The following CLSTN2 variants were observed in gnomAD, a reference collection of about 807,000 sequenced individuals.
The protein encoded by CLSTN2 is calsyntenin-2.
A neutral mutation model predicts 101.2 loss-of-function variants in CLSTN2; 48 were observed. The ratio of observed to expected loss-of-function variants is 0.47; its 90% CI spans 0.38 to 0.60. CLSTN2 has a LOEUF of 0.60. Ranked by LOEUF, CLSTN2 falls within the 20% of genes least tolerant of loss-of-function variation. The pLI, the probability that CLSTN2 is intolerant of heterozygous loss-of-function variation, is 0.00. For synonymous variants in CLSTN2, 481 were observed against 463.6 expected (o/e 1.04, Z -0.48); for missense variants, 1,160 against 1,238.2 (o/e 0.94, Z 0.95).
rs145666342 is a variant in CLSTN2 at position 140,403,716 on chromosome 3, G to A, written c.320G>A (p.Arg107His). ...AAGACATCAGGAGAGGGCCGGCTCCGTGCCAAGAGCCCCATTGACTGTGAG... is the reference window on the plus strand; with the variant it reads ...AAGACATCAGGAGAGGGCCGGCTCCATGCCAAGAGCCCCATTGACTGTGAG... ...LNKTSGEGRL[R>H]AKSPIDCELQ... Residue 107 changes from arginine to histidine, a missense_variant, in exon 3 of 17, where the codon CGT (arginine) becomes CAT (histidine). Coordinates refer to ENST00000458420, the MANE Select transcript of CLSTN2 (RefSeq NM_022131.3). 188 of 1,614,134 alleles carry A rather than the reference G, an allele frequency of 1.2e-4. 1 individual carries two copies. In the East Asian group the frequency reaches 2.5e-3, roughly 21 times the overall value.
intron 9 of CLSTN2, among the ~76,000 whole-genome samples, chr3:140,533,107 C>CCT (rs1935292661): frequency 6.6e-6 from 1 of 152,184 alleles, no homozygotes; most frequent in Non-Finnish European, 1.5e-5. Flanking sequence ...TGTGCTGTTG[C>CCT]CTCTCTCCTA....
chr3:140,206,519 G>A (rs1419844744), intron 2 of CLSTN2, among the ~76,000 whole-genome samples: 4 of 152,112 alleles, frequency 2.6e-5, no homozygotes, highest in Admixed American at 2.0e-4. Flanking sequence ...AATACCCATC[G>A]GCTCTTATCA....
At chr3:140,007,390 A>G (rs2107749896) in intron 1 of CLSTN2, among the ~76,000 whole-genome samples, 1 of 152,310 alleles carries the variant, frequency 6.6e-6, no homozygotes, top group African/African-American at 2.4e-5. Context: ...TGGTTAGCAC[A>G]GGCATGAGGG....
chr3:140,391,214 A>G (rs1258250144), intron 2 of CLSTN2, among the ~76,000 whole-genome samples: 2 of 152,180 alleles, frequency 1.3e-5, no homozygotes, highest in Non-Finnish European at 2.9e-5. Flanking sequence ...TCAAAGTTTT[A>G]GCCTCCACGC....
chr3:140,014,993 C>T (rs903897501), intron 1 of CLSTN2, among the ~76,000 whole-genome samples: 5 of 152,182 alleles, frequency 3.3e-5, no homozygotes, highest in Admixed American at 2.0e-4. Context: ...AGCAGAGACA[C>T]GGGGCTCCTG....
intron 5 of CLSTN2, among the ~76,000 whole-genome samples, chr3:140,430,812 G>T (rs761222850): frequency 1.3e-4 from 20 of 152,170 alleles, no homozygotes; most frequent in Admixed American, 4.6e-4. Flanking sequence ...AGCAATTCTA[G>T]CCCATTTAAT....
intron 2 of CLSTN2, among the ~76,000 whole-genome samples, chr3:140,342,287 C>A (rs1370900168): frequency 5.9e-5 from 9 of 152,162 alleles, no homozygotes; most frequent in Non-Finnish European, 1.2e-4. Context: ...ACAATAGCAC[C>A]ACTCCCTTAA....
Position 140,576,650 on chromosome 3 carries a change from G to C in CLSTN2, c.*10397G>C, listed in dbSNP as rs140922660. ...TGGTGTTGACACAGCAGAGAGAGGA[G>C]GGGGAGCAGCCTCGTCTTGCAGAAT... On this transcript the variant is annotated 3_prime_UTR_variant, in exon 17 of 17. Transcript: ENST00000458420. 4.6e-5 allele frequency: 7 copies of C among 152,296 alleles called. No homozygotes were observed. Among genetic ancestry groups the C allele is most frequent in the Non-Finnish European group, 8.8e-5 (6 of 68,050 alleles). 9.4% of individuals were successfully genotyped at this position (152,296 alleles called of 1,614,324 possible). A position where few individuals can be genotyped will look rare whatever the true frequency, so the allele number is the denominator to read the frequency against.
At chr3:140,303,066 A>G (rs188951599) in intron 2 of CLSTN2, among the ~76,000 whole-genome samples, 11 of 152,322 alleles carry the variant, frequency 7.2e-5, no homozygotes, top group Middle Eastern at 3.4e-3. Flanking sequence ...GGGGATGCAT[A>G]TGAATAAAGG....
In CLSTN2 at chr3:140,571,284, G is replaced by A. The variant is rs1270771040; in HGVS notation, c.*5031G>A. The A allele has an allele frequency of 1.3e-5, 2 of 152,136 alleles. No homozygotes were observed. Among genetic ancestry groups the A allele is most frequent in the Non-Finnish European group, 2.9e-5 (2 of 68,024 alleles). The allele number at this position is 152,136 out of a possible 1,614,324, so 9.4% of individuals were successfully genotyped here. ...TAGCAACATCATCAGTAGAAAGCCC[G>A]ACCAAGCACACTTCGAAATTAGCAA... On this transcript the variant is annotated 3_prime_UTR_variant, in exon 17 of 17. Transcript: ENST00000458420.
At chr3:139,951,483 A>C (rs546714391) in intron 1 of CLSTN2, among the ~76,000 whole-genome samples, 3 of 152,288 alleles carry the variant, frequency 2.0e-5, no homozygotes, top group African/African-American at 7.2e-5. Flanking sequence ...TAGACCAAGC[A>C]AAAGGAGAAT....
chr3:140,569,592 G>A lies in CLSTN2; in HGVS notation c.*3339G>A, dbSNP rs1009944745. On this transcript the variant is annotated 3_prime_UTR_variant, in exon 17 of 17. Transcript: ENST00000458420. Reference sequence around the variant, plus strand: ...TATATCATCATACATTTGATCAAATGCTGTAAGCACAGCCAAGGCCCAAAT... The same window carrying A: ...TATATCATCATACATTTGATCAAATACTGTAAGCACAGCCAAGGCCCAAAT... 1 of 152,224 alleles carries A rather than the reference G, an allele frequency of 6.6e-6. No individual in the cohort carries two copies. The highest frequency in any genetic ancestry group is 2.4e-5 in the African/African-American group (1 of 41,456). The allele number at this position is 152,224 out of a possible 1,614,324, so 9.4% of individuals were successfully genotyped here.
chr3:140,327,236 A>G (rs1374701261), intron 2 of CLSTN2, among the ~76,000 whole-genome samples: 1 of 152,216 alleles, frequency 6.6e-6, no homozygotes, highest in African/African-American at 2.4e-5. Context: ...CTGGTACCCA[A>G]TCAAAATCTG....
At chr3:140,212,545 G>T (rs1485603230) in intron 2 of CLSTN2, among the ~76,000 whole-genome samples, 1 of 152,292 alleles carries the variant, frequency 6.6e-6, no homozygotes. Flanking sequence ...GCCTGAGATT[G>T]CTTAGTCTCA....
chr3:140,172,820 T>C (rs2010260738), intron 1 of CLSTN2, among the ~76,000 whole-genome samples: 1 of 152,186 alleles, frequency 6.6e-6, no homozygotes, highest in African/African-American at 2.4e-5. Flanking sequence ...GTGAGACTTA[T>C]TCACTACCAC....
chr3:140,126,619 T>C (rs1178127010), intron 1 of CLSTN2, among the ~76,000 whole-genome samples: 2 of 152,178 alleles, frequency 1.3e-5, no homozygotes, highest in African/African-American at 4.8e-5. Context: ...GGATACTGGG[T>C]GGCATAAAGG....
chr3:140,080,123 C>T (rs555479040), intron 1 of CLSTN2, among the ~76,000 whole-genome samples: 17 of 152,296 alleles, frequency 1.1e-4, no homozygotes, highest in African/African-American at 3.6e-4. Context: ...ACCCCAGTCT[C>T]GTGGTCTTTC....
intron 2 of CLSTN2, among the ~76,000 whole-genome samples, chr3:140,268,812 A>C (rs781254966): frequency 6.6e-5 from 10 of 152,108 alleles, no homozygotes; most frequent in African/African-American, 2.4e-4. Context: ...GCTGTACAAC[A>C]TTACGCAACC....
chr3:140,221,282 A>G (rs2086270077), intron 2 of CLSTN2, among the ~76,000 whole-genome samples: 1 of 152,186 alleles, frequency 6.6e-6, no homozygotes, highest in Admixed American at 6.5e-5. Flanking sequence ...TAAAAAAATT[A>G]TTTATCTTAC....
Sources: gnomAD v4.1 joint callset for allele counts (sites outside exome capture counted in the v4.1 genomes callset) on GRCh38, gnomAD v4.1.1 for gene constraint, MANE v1.5 for transcripts, NCBI Gene and HGNC (gene_info 2026-07-23, HGNC 2026-07-21) for gene names.